DOCK7: variants seen among roughly 807,000 people sequenced by gnomAD.
DOCK7 encodes dedicator of cytokinesis protein 7.
In DOCK7, 138 loss-of-function variants were observed where a neutral mutation model predicts 271.0. The observed-to-expected ratio is 0.51, with a 90% CI of 0.44 to 0.59. The LOEUF is 0.59. Ranked by LOEUF, DOCK7 falls within the 20% of genes least tolerant of loss-of-function variation. The pLI, the probability that DOCK7 is intolerant of heterozygous loss-of-function variation, is 0.00. For missense variants in DOCK7, 2,066 were observed against 2,592.4 expected (o/e 0.80, Z 4.41); for synonymous variants, 823 against 876.1 (o/e 0.94, Z 1.07).
intron 44 of DOCK7, 109 bp from the exon 45 acceptor site, chr1:62,476,265 C>A: frequency 1.5e-6 from 1 of 653,402 alleles, no homozygotes; most frequent in South Asian, 2.2e-5. Flanking sequence ...GAGTTCTGTA[C>A]AATCATATCA....
In DOCK7 at chr1:62,625,316, A is replaced by G. The variant is rs1332760740; in HGVS notation, c.1368T>C (p.Ala456=). Residue 456 remains alanine (A), a synonymous_variant, in exon 12 of 50, where the codon GCT becomes GCC. Transcript: ENST00000635253. ...SLERTTSGDD[A]CNLTSFRPAT... is the part of the protein sequence containing the mutation. ...CTGGTCGAAAGCTCGTCAAGTTACA[A>G]GCATCATCTCCACTTGTTGTCCTTT... The G allele has an allele frequency of 6.2e-7, 1 of 1,614,034 alleles. No homozygotes were observed. Among genetic ancestry groups the G allele is most frequent in the Admixed American group, 1.7e-5 (1 of 60,020 alleles).
At position 62,647,770 on chromosome 1, in the gene DOCK7, G is replaced by C. The variant is rs1656853942; in HGVS notation, c.739C>G (p.Pro247Ala). Residue 247 changes from proline (P) to alanine (A), a missense_variant, in exon 7 of 50, where the codon CCA becomes GCA. Physicochemically the swap from Pro to Ala is conservative, Grantham distance 27 (BLOSUM62 -1). Around this residue, in one of 2 missense-constraint regions of DOCK7, gnomAD observed 1,414 missense variants for 1,670.4 expected, o/e 0.85. Transcript: ENST00000635253. ...ALHPSPDEEE[P>A]IERLSVPDIP... ...TCAGGAACACTAAGCCGTTCTATTG[G>C]TTCTTCCTACAAATTGAAAAGCAAC... 1.2e-6 allele frequency: 2 copies of C among 1,600,952 alleles called. No homozygotes were observed. The highest frequency in any genetic ancestry group is 1.7e-6 in the Non-Finnish European group (2 of 1,176,008).
intron 7 of DOCK7, chr1:62,641,567 T>C (rs938049074): frequency 1.3e-5 from 6 of 471,916 alleles, no homozygotes; most frequent in Non-Finnish European, 2.6e-5. Flanking sequence ...GGCCAGGTAC[T>C]TTAACTTGTT....
At chr1:62,582,549 C>CAAAAAAA (rs34110232) in intron 16 of DOCK7, among the ~76,000 whole-genome samples, 4 of 16,870 alleles carry the variant, frequency 2.4e-4, no homozygotes, top group Non-Finnish European at 2.6e-4. Context: ...GACTCCGTCT[C>CAAAAAAA]AAAAAAAAAA....
chr1:62,628,854 C>T (rs964674596), intron 11 of DOCK7: 1 of 151,870 alleles, frequency 6.6e-6, no homozygotes, highest in Non-Finnish European at 1.5e-5. Context: ...AGGTTAAAAC[C>T]CCATTTAAAA....
chr1:62,599,330 T>C (rs1031827490), intron 14 of DOCK7, among the ~76,000 whole-genome samples: 5 of 152,014 alleles, frequency 3.3e-5, no homozygotes, highest in African/African-American at 1.2e-4. Context: ...TGTTGTTTCC[T>C]CTAACTGGAA....
At chr1:62,584,687 T>A (rs765623911) in intron 15 of DOCK7, 75 of 1,311,804 alleles carry the variant, frequency 5.7e-5, no homozygotes, top group Non-Finnish European at 7.3e-5. Flanking sequence ...TCCAAAAATG[T>A]GACAGGAGTC....
At chr1:62,589,315 T>C (rs189550364) in intron 14 of DOCK7, among the ~76,000 whole-genome samples, 13 of 152,184 alleles carry the variant, frequency 8.5e-5, no homozygotes, top group Non-Finnish European at 1.9e-4. Context: ...AGATGAAACA[T>C]ATTTGATGAG....
intron 7 of DOCK7, among the ~76,000 whole-genome samples, chr1:62,637,272 A>G (rs1314508700): frequency 6.6e-6 from 1 of 152,180 alleles, no homozygotes; most frequent in Admixed American, 6.6e-5. Flanking sequence ...AAAATTGTAT[A>G]CTTAATTGAG....
At chr1:62,568,657 A>G (rs948044073) in intron 18 of DOCK7, among the ~76,000 whole-genome samples, 1 of 150,746 alleles carries the variant, frequency 6.6e-6, no homozygotes, top group African/African-American at 2.4e-5. Context: ...TGAAATCCTA[A>G]CATCACAACT....
chr1:62,625,271 A>G lies in DOCK7; in HGVS notation c.1413T>C (p.Asn471=). The G allele has an allele frequency of 6.2e-7, 1 of 1,613,902 alleles. No individual in the cohort carries two copies. The highest frequency in any genetic ancestry group is 1.7e-5 in the Admixed American group (1 of 59,982). Residue 471 remains asparagine (N), a synonymous_variant, in exon 12 of 50, where the codon AAT becomes AAC. Transcript: ENST00000635253. ...GACAGAACAATACCTGCTTAAAAAA[A>G]TTTGTCACTGTGAGAGTAGCTGGTC... ...SFRPATLTVT[N]FFKQEGDRLS...
chr1:62,652,724 T>C lies in DOCK7; in HGVS notation c.389+1001A>G, dbSNP rs546372179. ...GATTTCTGATTATAGGTTTCTAACA[T>C]ATATGCACAGAGGTAAAGACTTTTG... On this transcript the variant is annotated intron_variant, in intron 4 of 49. Transcript: ENST00000635253. 7.9e-5 allele frequency among the ~76,000 whole-genome samples: 12 copies of C among 152,312 alleles called. No individual in the cohort carries two copies. The South Asian group carries it at 1.7e-3, about 21-fold the overall frequency.
chr1:62,632,031 C>A (rs764489277), intron 10 of DOCK7, among the ~76,000 whole-genome samples: 5 of 152,152 alleles, frequency 3.3e-5, no homozygotes, highest in African/African-American at 4.8e-5. Context: ...TAGGCTACTC[C>A]TGAAACAAAC....
At chr1:62,663,826 A>C (rs1658960409) in intron 1 of DOCK7, among the ~76,000 whole-genome samples, 1 of 152,222 alleles carries the variant, frequency 6.6e-6, no homozygotes, top group Non-Finnish European at 1.5e-5. Context: ...TTTAGGGCTT[A>C]AGATACTGAA....
chr1:62,499,044 C>T (rs1467683622), intron 37 of DOCK7, among the ~76,000 whole-genome samples: 2 of 152,128 alleles, frequency 1.3e-5, no homozygotes, highest in Non-Finnish European at 2.9e-5. Context: ...TCAGGTGATC[C>T]ACCTGCCTCG....
chr1:62,543,965 T>C lies in DOCK7; in HGVS notation c.2860-220A>G, dbSNP rs1571477562. ...CTATATATTTTTGGTCTTTAAAAAA[T>C]GATGAGTATTTCAGTGATTATATAA... On this transcript the variant is annotated intron_variant, in intron 23 of 49. Coordinates refer to ENST00000635253, the MANE Select transcript of DOCK7 (RefSeq NM_001367561.1). Among the ~76,000 whole-genome samples the C allele has an allele frequency of 2.0e-5, 3 of 152,284 alleles. No individual in the cohort carries two copies. In the East Asian group the frequency reaches 5.8e-4, roughly 29 times the overall value.
chr1:62,565,257 TCTTTTCAAAAGAAAAGAAAATATCC>T (rs1440508276), intron 18 of DOCK7, among the ~76,000 whole-genome samples: 2 of 152,052 alleles, frequency 1.3e-5, no homozygotes, highest in African/African-American at 4.8e-5. Context: ...AAAAGAATTT[TCTTTTCAAAAGAAAAGAAAATATCC>T]CTGATCAACA....
At chr1:62,680,131 C>T (rs1372538220) in intron 1 of DOCK7, among the ~76,000 whole-genome samples, 2 of 152,128 alleles carry the variant, frequency 1.3e-5, no homozygotes, top group Non-Finnish European at 2.9e-5. Flanking sequence ...TACCTGACTT[C>T]AAACTGTACT....
intron 14 of DOCK7, among the ~76,000 whole-genome samples, chr1:62,588,632 T>C (rs1647924012): frequency 6.6e-6 from 1 of 152,206 alleles, no homozygotes; most frequent in East Asian, 1.9e-4. Flanking sequence ...GGAAGATCAC[T>C]TTATAAAGGA....
Sources: allele counts gnomAD v4.1 joint callset (sites outside exome capture counted in the v4.1 genomes callset), GRCh38; gene constraint gnomAD v4.1.1; regional missense constraint gnomAD v4.1.1; transcripts MANE v1.5; gene names NCBI Gene and HGNC (gene_info 2026-07-23, HGNC 2026-07-21).